TENM3: variants seen among roughly 807,000 people sequenced by gnomAD.
The protein encoded by TENM3 is teneurin transmembrane protein 3, also known as teneurin-3.
A neutral mutation model predicts 255.1 loss-of-function variants in TENM3; 63 were observed. The observed-to-expected ratio is 0.25, with a 90% CI of 0.20 to 0.30. TENM3 has a LOEUF of 0.30. Among genes scored for constraint, TENM3 ranks in the 10% least tolerant of loss-of-function variants. The probability of loss-of-function intolerance (pLI) is 1.00; values close to 1 mark genes in which losing one functional copy is unlikely to be tolerated. For missense variants in TENM3, 2,929 were observed against 3,461.1 expected, an observed-to-expected ratio of 0.85 and a Z score of 3.86; for synonymous variants, 1,306 against 1,322.3, an observed-to-expected ratio of 0.99 and a Z score of 0.27.
At chr4:181,843,716 C>CTTTTTT in the TENM3 span, among the ~76,000 whole-genome samples, 9 of 104,682 alleles carry the variant, frequency 8.6e-5, 1 homozygote, top group East Asian at 5.6e-4. Flanking sequence ...TAAGGGCCTT[C>CTTTTTT]TTTTTTTTTT....
the TENM3 span, among the ~76,000 whole-genome samples, chr4:181,932,979 A>G: frequency 6.6e-6 from 1 of 152,124 alleles, no homozygotes; most frequent in Admixed American, 6.6e-5. Flanking sequence ...ACACACGGAC[A>G]CAGGGAGGGG....
chr4:181,618,250 T>C, the TENM3 span, among the ~76,000 whole-genome samples: 6 of 152,138 alleles, frequency 3.9e-5, no homozygotes, highest in Non-Finnish European at 7.4e-5. Context: ...TTACACCAGT[T>C]TCAGTCCTCT....
chr4:181,848,465 CA>C, the TENM3 span, among the ~76,000 whole-genome samples: 1 of 152,068 alleles, frequency 6.6e-6, no homozygotes, highest in Admixed American at 6.6e-5. Flanking sequence ...CACTGCAGTG[CA>C]ATATGAAGGA....
chr4:181,812,755 C>T, the TENM3 span, among the ~76,000 whole-genome samples: 3 of 152,090 alleles, frequency 2.0e-5, no homozygotes, highest in Non-Finnish European at 4.4e-5. Context: ...GAGCATGGCT[C>T]AGAATTTCAG....
intron 3 of TENM3, among the ~76,000 whole-genome samples, chr4:182,440,732 G>A (rs1772408025): frequency 6.6e-6 from 1 of 152,108 alleles, no homozygotes; most frequent in Admixed American, 6.5e-5. Flanking sequence ...GTATATGAAA[G>A]GTCCTTATTG....
At chr4:181,844,016 C>A in the TENM3 span, among the ~76,000 whole-genome samples, 2 of 152,002 alleles carry the variant, frequency 1.3e-5, no homozygotes, top group Non-Finnish European at 2.9e-5. Context: ...CCGCGCCCGG[C>A]CGAGGGCCTT....
chr4:181,862,846 C>G, the TENM3 span, among the ~76,000 whole-genome samples: 2 of 152,192 alleles, frequency 1.3e-5, no homozygotes, highest in Middle Eastern at 3.4e-3. Flanking sequence ...AAAGGTAACT[C>G]TAGTGGATTT....
chr4:182,412,662 G>T (rs185690900), intron 3 of TENM3, among the ~76,000 whole-genome samples: 1 of 150,842 alleles, frequency 6.6e-6, no homozygotes. Flanking sequence ...TCAGGAGATC[G>T]AGACTATCCT....
At chr4:181,480,027 G>C in the TENM3 span, among the ~76,000 whole-genome samples, 1 of 151,962 alleles carries the variant, frequency 6.6e-6, no homozygotes, top group Non-Finnish European at 1.5e-5. Flanking sequence ...TGATCACAAA[G>C]TACAAATCAT....
the TENM3 span, among the ~76,000 whole-genome samples, chr4:181,724,956 GC>G: frequency 2.1e-4 from 32 of 152,322 alleles, no homozygotes; most frequent in African/African-American, 7.7e-4. Flanking sequence ...GGTGTTCTCA[GC>G]ATTCAATATA....
chr4:181,880,793 C>T, the TENM3 span, among the ~76,000 whole-genome samples: 1 of 152,140 alleles, frequency 6.6e-6, no homozygotes, highest in Admixed American at 6.5e-5. Flanking sequence ...TTCCAGTTCA[C>T]CTGGCAAATG....
At chr4:181,750,861 G>A in the TENM3 span, among the ~76,000 whole-genome samples, 3 of 152,254 alleles carry the variant, frequency 2.0e-5, no homozygotes, top group Non-Finnish European at 2.9e-5. Context: ...AGATCAGTAC[G>A]CGACAGGAGT....
the TENM3 span, among the ~76,000 whole-genome samples, chr4:182,048,362 C>T: frequency 5.3e-5 from 8 of 151,922 alleles, no homozygotes; most frequent in Admixed American, 2.0e-4. Flanking sequence ...TTTCTTTTCT[C>T]GTTTTCCTAA....
Position 182,260,255 on chromosome 4 carries a change from G to A in TENM3, c.-76+16779G>A, listed in dbSNP as rs138384469. Among the ~76,000 whole-genome samples, 804 of 152,296 alleles carry A rather than the reference G, an allele frequency of 5.3e-3. 18 individuals carry two copies. Among genetic ancestry groups the A allele is most frequent in the African/African-American group, 0.018 (743 of 41,566 alleles). On this transcript the variant is annotated intron_variant, in intron 1 of 27. Transcript: ENST00000511685. ...TTCCTTTCTTGTGGGTAGATACCCA[G>A]TAGTGGAATTGCTCGATCATATGGT...
At chr4:182,664,348 C>T (rs1430913019) in intron 6 of TENM3, among the ~76,000 whole-genome samples, 1 of 152,206 alleles carries the variant, frequency 6.6e-6, no homozygotes. Flanking sequence ...AGAAACCACA[C>T]CCACATAAGA....
the TENM3 span, among the ~76,000 whole-genome samples, chr4:181,606,694 T>G: frequency 8.6e-5 from 13 of 152,026 alleles, no homozygotes; most frequent in Admixed American, 6.6e-4. Context: ...TTTTGTATGG[T>G]AAGATGGTTG....
At chr4:182,432,902 G>A (rs1771772020) in intron 3 of TENM3, among the ~76,000 whole-genome samples, 1 of 99,496 alleles carries the variant, frequency 1.0e-5, no homozygotes, top group Non-Finnish European at 2.2e-5. Context: ...GGCCAGGCTG[G>A]TCTTTAACTC....
chr4:182,130,689 C>CA, the TENM3 span, among the ~76,000 whole-genome samples: 8 of 125,352 alleles, frequency 6.4e-5, no homozygotes, highest in Non-Finnish European at 1.3e-4. Context: ...TCCTGTATGC[C>CA]GTTTTTTTTT....
chr4:182,277,152 C>G (rs1251728148), intron 1 of TENM3, among the ~76,000 whole-genome samples: 1 of 152,146 alleles, frequency 6.6e-6, no homozygotes, highest in Non-Finnish European at 1.5e-5. Flanking sequence ...AAGCATAAAC[C>G]AGGCAATAAT....
Sources: allele counts gnomAD v4.1 joint callset (sites outside exome capture counted in the v4.1 genomes callset), GRCh38; gene constraint gnomAD v4.1.1; transcripts MANE v1.5; gene names NCBI Gene and HGNC (gene_info 2026-07-23, HGNC 2026-07-21).